Variants in R3HDM1 observed in about 807,000 individuals in gnomAD.
R3HDM1 encodes the protein R3H domain containing 1.
Under a neutral mutation model 141.1 loss-of-function variants are expected in R3HDM1, and 46 were observed. The observed-to-expected ratio is 0.33, with a 90% CI of 0.26 to 0.42. The LOEUF is 0.42. Among genes scored for constraint, R3HDM1 ranks in the 10% least tolerant of loss-of-function variants. R3HDM1 has a pLI of 1.00. For synonymous variants in R3HDM1, 435 were observed against 472.9 expected (o/e 0.92, Z 1.04); for missense variants, 1,184 against 1,368.3 (o/e 0.87, Z 2.12).
intron 1 of R3HDM1, chr2:135,581,346 C>T (rs907852517): frequency 4.4e-5 from 43 of 985,116 alleles, no homozygotes; most frequent in South Asian, 3.3e-4. Flanking sequence ...ATTCCATTTC[C>T]CACCTGTGGA....
intron 1 of R3HDM1, among the ~76,000 whole-genome samples, chr2:135,534,881 TAGTATTA>T (rs1184762100): frequency 6.6e-6 from 1 of 152,252 alleles, no homozygotes; most frequent in Non-Finnish European, 1.5e-5. Context: ...CCATTTGAGT[TAGTATTA>T]AGTTTTAATT....
At chr2:135,616,099 C>G in intron 3 of R3HDM1, 53 bp from the exon 4 acceptor site, 1 of 1,548,326 alleles carries the variant, frequency 6.5e-7, no homozygotes, top group Non-Finnish European at 8.9e-7. Flanking sequence ...AATTAAGAAG[C>G]AAATTTTCTG....
chr2:135,671,597 G>T (rs1031244687), intron 19 of R3HDM1, among the ~76,000 whole-genome samples: 1 of 151,776 alleles, frequency 6.6e-6, no homozygotes, highest in African/African-American at 2.4e-5. Flanking sequence ...TTGAACTCCT[G>T]ACGTCAGGTG....
chr2:135,678,740 G>C (rs928610202), intron 20 of R3HDM1, among the ~76,000 whole-genome samples: 2 of 146,996 alleles, frequency 1.4e-5, no homozygotes, highest in African/African-American at 5.0e-5. Context: ...AGTGGTTATA[G>C]TGGTTATACT....
At chr2:135,586,438 G>A (rs1174038087) in intron 1 of R3HDM1, 1 of 153,340 alleles carries the variant, frequency 6.5e-6, no homozygotes, top group Non-Finnish European at 1.5e-5. Flanking sequence ...CAGAGCATCA[G>A]TTTACAGGTA....
intron 15 of R3HDM1, among the ~76,000 whole-genome samples, chr2:135,642,425 T>C (rs1038313221): frequency 4.6e-5 from 7 of 152,194 alleles, no homozygotes; most frequent in Non-Finnish European, 4.4e-5. Flanking sequence ...ATAACCTTGT[T>C]AGGTAGGTGA....
chr2:135,563,145 A>G lies in R3HDM1; in HGVS notation c.-250+31512A>G, dbSNP rs184317326. Among the ~76,000 whole-genome samples the G allele has an allele frequency of 7.9e-5, 12 of 152,334 alleles. No individual in the cohort carries two copies. The East Asian group carries it at 1.9e-3, about 24-fold the overall frequency. ...TTTCATTTACCCCTTGCAACTAACA[A>G]GTAGTCTATGAGATCATACTCAGGC... On this transcript the variant is annotated intron_variant, in intron 1 of 26. Transcript: ENST00000683871.
intron 3 of R3HDM1, among the ~76,000 whole-genome samples, chr2:135,610,113 A>G (rs1311614339): frequency 6.6e-6 from 1 of 152,232 alleles, no homozygotes; most frequent in East Asian, 1.9e-4. Flanking sequence ...TATTTTAAAT[A>G]TAAAATTCAG....
At chr2:135,573,364 C>T (rs1300135092) in intron 1 of R3HDM1, among the ~76,000 whole-genome samples, 1 of 152,108 alleles carries the variant, frequency 6.6e-6, no homozygotes, top group East Asian at 1.9e-4. Context: ...AAAGAGAGCA[C>T]TCACCAGATC....
At chr2:135,686,931 G>A (rs1488966821) in intron 21 of R3HDM1, among the ~76,000 whole-genome samples, 22 of 152,200 alleles carry the variant, frequency 1.4e-4, no homozygotes, top group Non-Finnish European at 2.9e-4. Flanking sequence ...GGGCGCAGTG[G>A]CTCATACCTG....
chr2:135,686,970 A>C (rs1475789293), intron 21 of R3HDM1, among the ~76,000 whole-genome samples: 1 of 152,180 alleles, frequency 6.6e-6, no homozygotes. Flanking sequence ...AGGCCAAGGC[A>C]GGTGGATCAC....
chr2:135,624,393 CAAAAAA>C, intron 7 of R3HDM1, among the ~76,000 whole-genome samples: 1 of 61,796 alleles, frequency 1.6e-5, no homozygotes, highest in African/African-American at 6.2e-5. Context: ...GACTCCGTCT[CAAAAAA>C]AAAAAAAAAA....
At position 135,617,259 on chromosome 2, in the gene R3HDM1, G is replaced by A. The variant is rs191310982; in HGVS notation, c.303+502G>A. Among the ~76,000 whole-genome samples, 455 of 151,956 alleles carry A rather than the reference G, an allele frequency of 3.0e-3. 3 individuals are homozygous for A. Among genetic ancestry groups the A allele is most frequent in the African/African-American group, 0.01 (422 of 41,414 alleles). ...GGAAAATGGTGTGAACCCAGGAGGC[G>A]GAGCTTGCAGTGAGCCCAGATCGCA... On this transcript the variant is annotated intron_variant, in intron 5 of 26. Coordinates refer to ENST00000683871, the MANE Select transcript of R3HDM1 (RefSeq NM_001378107.1).
chr2:135,706,061 G>T (rs2074865606), intron 21 of R3HDM1, among the ~76,000 whole-genome samples: 1 of 151,664 alleles, frequency 6.6e-6, no homozygotes, highest in Non-Finnish European at 1.5e-5. Context: ...CCCGGGAGGC[G>T]GAGCTTGCAG....
At chr2:135,581,140 G>T (rs1193676892) in intron 1 of R3HDM1, 1 of 967,462 alleles carries the variant, frequency 1.0e-6, no homozygotes, top group East Asian at 1.1e-4. Flanking sequence ...CTGGAGACCA[G>T]TAAGAAGCCT....
intron 7 of R3HDM1, among the ~76,000 whole-genome samples, chr2:135,623,688 C>G (rs1008027227): frequency 3.3e-5 from 5 of 152,094 alleles, no homozygotes; most frequent in Non-Finnish European, 7.4e-5. Context: ...GTAGTCCCAA[C>G]AGAAAGATAA....
intron 7 of R3HDM1, 110 bp from the exon 8 acceptor site, chr2:135,631,608 T>C: frequency 1.3e-6 from 1 of 749,086 alleles, no homozygotes; most frequent in Non-Finnish European, 2.1e-6. Context: ...TAATACTGAA[T>C]GTATAGTTTT....
chr2:135,588,318 C>T (rs1294152376), intron 1 of R3HDM1, among the ~76,000 whole-genome samples: 1 of 152,024 alleles, frequency 6.6e-6, no homozygotes, highest in African/African-American at 2.4e-5. Context: ...CTGTGTGTCT[C>T]CCTGGCTACA....
At chr2:135,553,142 T>G (rs1354872212) in intron 1 of R3HDM1, among the ~76,000 whole-genome samples, 1 of 152,168 alleles carries the variant, frequency 6.6e-6, no homozygotes, top group Non-Finnish European at 1.5e-5. Flanking sequence ...AGCACTGGGA[T>G]TACAGGCATG....
Sources: gnomAD v4.1 joint callset for allele counts (sites outside exome capture counted in the v4.1 genomes callset) on GRCh38, gnomAD v4.1.1 for gene constraint, MANE v1.5 for transcripts, NCBI Gene and HGNC (gene_info 2026-07-23, HGNC 2026-07-21) for gene names.